Variants in SOX6 observed in about 807,000 individuals in gnomAD.
The protein encoded by SOX6 is SRY-box transcription factor 6.
Under a neutral mutation model 97.8 loss-of-function variants are expected in SOX6, and 11 were observed. That is an observed-to-expected ratio of 0.11 (90% CI 0.07 to 0.19). SOX6 has a LOEUF of 0.19. Ranked by LOEUF, SOX6 falls within the 10% of genes least tolerant of loss-of-function variation. The pLI is 1.00. For synonymous variants in SOX6, 360 were observed against 371.4 expected, an observed-to-expected ratio of 0.97 and a Z score of 0.35; for missense variants, 810 against 1,039.5, an observed-to-expected ratio of 0.78 and a Z score of 3.04.
intron 4 of SOX6, among the ~76,000 whole-genome samples, chr11:16,574,567 GA>G (rs1847965343): frequency 6.6e-6 from 1 of 151,754 alleles, no homozygotes; most frequent in African/African-American, 2.4e-5. Flanking sequence ...AACAGCACAG[GA>G]AAAGCATTAA....
intron 1 of SOX6, among the ~76,000 whole-genome samples, chr11:16,424,294 A>T (rs1387326877): frequency 6.6e-6 from 1 of 152,258 alleles, no homozygotes; most frequent in Non-Finnish European, 1.5e-5. Context: ...TTGTAATAAT[A>T]GCATCTTGCA....
At chr11:16,286,812 T>C (rs1391073117) in intron 3 of SOX6, among the ~76,000 whole-genome samples, 1 of 152,160 alleles carries the variant, frequency 6.6e-6, no homozygotes, top group Non-Finnish European at 1.5e-5. Flanking sequence ...TTATTATTTT[T>C]TGACATATTT....
intron 3 of SOX6, among the ~76,000 whole-genome samples, chr11:16,294,392 A>G (rs918194684): frequency 6.6e-6 from 1 of 152,098 alleles, no homozygotes; most frequent in Non-Finnish European, 1.5e-5. Flanking sequence ...CCTTTGGGCA[A>G]TTGGACATCG....
At chr11:16,634,440 G>C (rs1023777046) in intron 3 of SOX6, among the ~76,000 whole-genome samples, 2 of 151,996 alleles carry the variant, frequency 1.3e-5, no homozygotes, top group Non-Finnish European at 2.9e-5. Flanking sequence ...GGGGAAATAA[G>C]AATATTTGAT....
In SOX6 at chr11:16,270,378, T is replaced by A. The variant is rs904141728; in HGVS notation, c.446-35707A>T. On this transcript the variant is annotated intron_variant, in intron 3 of 15. Transcript: ENST00000683767. ...TGTTAAGGATGTGGAAAAATTGGAATCCTCCTACATTGCGGGGGAGGCGAG... is the reference window on the plus strand; with the variant it reads ...TGTTAAGGATGTGGAAAAATTGGAAACCTCCTACATTGCGGGGGAGGCGAG... Among the ~76,000 whole-genome samples the A allele has an allele frequency of 6.1e-4, 92 of 151,302 alleles. 1 individual carries two copies. Among genetic ancestry groups the A allele is most frequent in the African/African-American group, 2.2e-3 (90 of 41,340 alleles).
At chr11:16,136,612 T>G (rs1280989487) in intron 6 of SOX6, among the ~76,000 whole-genome samples, 1 of 152,126 alleles carries the variant, frequency 6.6e-6, no homozygotes, top group African/African-American at 2.4e-5. Context: ...TTTAAAAAAT[T>G]TATTGTAGAA....
chr11:16,121,069 C>T (rs1849478543), intron 6 of SOX6, among the ~76,000 whole-genome samples: 1 of 152,076 alleles, frequency 6.6e-6, no homozygotes, highest in Non-Finnish European at 1.5e-5. Context: ...ATATACTGAG[C>T]ATACTCTCAG....
At chr11:16,256,209 C>A (rs1384640081) in intron 3 of SOX6, among the ~76,000 whole-genome samples, 1 of 151,884 alleles carries the variant, frequency 6.6e-6, no homozygotes, top group Non-Finnish European at 1.5e-5. Context: ...ATCAGGTCAG[C>A]ATTATCCTAA....
chr11:16,672,487 A>G (rs138849613), intron 3 of SOX6, among the ~76,000 whole-genome samples: 22 of 152,350 alleles, frequency 1.4e-4, no homozygotes, highest in African/African-American at 5.1e-4. Flanking sequence ...GAGGCCTCAC[A>G]ATCATGATGG....
chr11:16,219,765 T>C (rs1852484374), intron 4 of SOX6, among the ~76,000 whole-genome samples: 1 of 152,000 alleles, frequency 6.6e-6, no homozygotes, highest in African/African-American at 2.4e-5. Context: ...GGTCTAGTAC[T>C]ATGGGCCAGT....
chr11:16,124,229 T>A (rs2134010800), intron 6 of SOX6, among the ~76,000 whole-genome samples: 1 of 152,270 alleles, frequency 6.6e-6, no homozygotes, highest in East Asian at 1.9e-4. Flanking sequence ...CCTGACACTA[T>A]TGTAGGCATT....
intron 4 of SOX6, among the ~76,000 whole-genome samples, chr11:16,492,274 G>A (rs531567942): frequency 6.6e-6 from 1 of 152,316 alleles, no homozygotes; most frequent in Non-Finnish European, 1.5e-5. Flanking sequence ...CTACTTAGGA[G>A]TTCCCTGGAC....
chr11:15,988,907 G>A, intron 14 of SOX6, 90 bp downstream of exon 14: 1 of 1,308,010 alleles, frequency 7.6e-7, no homozygotes, highest in African/African-American at 1.4e-5. Context: ...TCTCCCTTAG[G>A]ATCCTAGTTA....
At chr11:16,295,939 G>A (rs1052343015) in intron 3 of SOX6, among the ~76,000 whole-genome samples, 7 of 151,932 alleles carry the variant, frequency 4.6e-5, no homozygotes, top group Admixed American at 1.3e-4. Flanking sequence ...ACTACCAACA[G>A]GCTATCCTAT....
intron 3 of SOX6, among the ~76,000 whole-genome samples, chr11:16,615,127 T>G (rs1052335922): frequency 1.3e-5 from 2 of 152,212 alleles, no homozygotes; most frequent in African/African-American, 4.8e-5. Context: ...GAAAGCTGAA[T>G]GTTACCGAGA....
chr11:16,129,314 A>G (rs1419374964), intron 6 of SOX6, among the ~76,000 whole-genome samples: 1 of 152,192 alleles, frequency 6.6e-6, no homozygotes, highest in Admixed American at 6.6e-5. Context: ...AAATTGATAC[A>G]AAATTTTATT....
intron 4 of SOX6, among the ~76,000 whole-genome samples, chr11:16,582,683 G>A (rs1848042340): frequency 1.3e-5 from 2 of 151,980 alleles, no homozygotes; most frequent in African/African-American, 4.8e-5. Flanking sequence ...AAAACAATAT[G>A]TCAACTTTGT....
intron 9 of SOX6, among the ~76,000 whole-genome samples, chr11:16,073,001 T>C (rs1848261912): frequency 6.6e-6 from 1 of 152,124 alleles, no homozygotes; most frequent in Admixed American, 6.5e-5. Context: ...CACACTTAAG[T>C]ACGCAGACTA....
intron 13 of SOX6, among the ~76,000 whole-genome samples, chr11:15,998,707 G>A (rs570610416): frequency 2.0e-4 from 31 of 152,044 alleles, no homozygotes; most frequent in Admixed American, 3.3e-4. Context: ...AACAAATACC[G>A]CCAGAACAAG....
Sources: allele counts gnomAD v4.1 joint callset (sites outside exome capture counted in the v4.1 genomes callset), GRCh38; gene constraint gnomAD v4.1.1; transcripts MANE v1.5; gene names NCBI Gene and HGNC (gene_info 2026-07-23, HGNC 2026-07-21).